SLC2A10: variants seen among roughly 807,000 people sequenced by gnomAD.
SLC2A10 encodes solute carrier family 2, facilitated glucose transporter member 10.
SLC2A10 carries 25 observed loss-of-function variants against 32.1 expected under a neutral mutation model. The observed-to-expected ratio is 0.78, with a 90% CI of 0.57 to 1.09. SLC2A10 has a LOEUF of 1.09. Ranked by LOEUF, SLC2A10 falls within the 50% of genes least tolerant of loss-of-function variation. The pLI is 0.00. For synonymous variants in SLC2A10, 332 were observed against 309.6 expected, an observed-to-expected ratio of 1.07 and a Z score of -0.76; for missense variants, 673 against 686.5, an observed-to-expected ratio of 0.98 and a Z score of 0.22.
At chr20:46,722,370 C>T (rs148910175) in intron 1 of SLC2A10, among the ~76,000 whole-genome samples, 1 of 152,324 alleles carries the variant, frequency 6.6e-6, no homozygotes, top group African/African-American at 2.4e-5. Context: ...TCTCAGGTAG[C>T]CACAAGACCG....
At chr20:46,718,398 A>G (rs1047379816) in intron 1 of SLC2A10, among the ~76,000 whole-genome samples, 1 of 152,138 alleles carries the variant, frequency 6.6e-6, no homozygotes, top group Non-Finnish European at 1.5e-5. Flanking sequence ...GCGATCAACT[A>G]TCCTCTTCTT....
At position 46,709,758 on chromosome 20, in the gene SLC2A10, G is replaced by T. The variant is rs1208488264; in HGVS notation, c.4+18G>T. ...CGCCATGGGTAAGTCCCGATCGGGC[G>T]CTGCCTGCTGGAAGCCCGACCCCTT... On this transcript the variant is annotated intron_variant, in intron 1 of 4. Transcript: ENST00000359271. The T allele has an allele frequency of 1.3e-6, 2 of 1,547,408 alleles. No individual in the cohort carries two copies. The highest frequency in any genetic ancestry group is 2.4e-5 in the South Asian group (2 of 83,828).
chr20:46,725,413 T>C lies in SLC2A10; in HGVS notation c.377T>C (p.Leu126Pro), dbSNP rs1284012838. Residue 126 changes from leucine to proline, a missense_variant, in exon 2 of 5, where the codon CTG becomes CCG. Leu to Pro is a moderately conservative substitution (Grantham distance 98). Coordinates refer to ENST00000359271, the MANE Select transcript of SLC2A10 (RefSeq NM_030777.4). The stretch of plus-strand genomic sequence containing the variant: ...GCTTGCTGTATCTACGTGTCAGAGC[T>C]GGTGGGGCCACGGCAGCGGGGAGTG... ...SMACCIYVSE[L>P]VGPRQRGVLV... 1 of 1,614,178 alleles carries C rather than the reference T, an allele frequency of 6.2e-7. No individual in the cohort carries two copies. Among genetic ancestry groups the C allele is most frequent in the Non-Finnish European group, 8.5e-7 (1 of 1,180,026 alleles).
chr20:46,709,225 C>T (rs1156990254), upstream of SLC2A10, among the ~76,000 whole-genome samples: 2 of 152,050 alleles, frequency 1.3e-5, no homozygotes, highest in Non-Finnish European at 2.9e-5. Context: ...TGAGCGGCTC[C>T]AGTGGGTATG....
Position 46,709,677 on chromosome 20 carries a change from G to C in SLC2A10, c.-60G>C. On this transcript the variant is annotated 5_prime_UTR_variant, in exon 1 of 5. Transcript: ENST00000359271. The stretch of plus-strand genomic sequence containing the variant: ...CGGCGGCAGCGGCGTTGGGGACTCC[G>C]GCGGGGGATGCGCGCCCGGCCCCTC... 2 of 1,532,856 alleles carry C rather than the reference G, an allele frequency of 1.3e-6. No homozygotes were observed. The highest frequency in any genetic ancestry group is 1.8e-6 in the Non-Finnish European group (2 of 1,140,482). 95.0% of individuals were successfully genotyped at this position (1,532,856 alleles called of 1,614,324 possible). A position where few individuals can be genotyped will look rare whatever the true frequency, so the allele number is the denominator to read the frequency against.
intron 4 of SLC2A10, among the ~76,000 whole-genome samples, chr20:46,730,347 T>C (rs1400392764): frequency 2.6e-5 from 4 of 152,044 alleles, no homozygotes; most frequent in Admixed American, 2.6e-4. Context: ...AGCGTTTTAG[T>C]TGGTGATGAG....
rs1376157225 is a variant in SLC2A10, at chr20:46,735,137, G to C, written c.*1303G>C. The C allele has an allele frequency of 6.5e-6, 1 of 152,678 alleles. No individual in the cohort carries two copies. Among genetic ancestry groups the C allele is most frequent in the Non-Finnish European group, 1.5e-5 (1 of 68,092 alleles). 9.5% of individuals were successfully genotyped at this position (152,678 alleles called of 1,614,324 possible). On this transcript the variant is annotated 3_prime_UTR_variant, in exon 5 of 5. Coordinates refer to ENST00000359271, the MANE Select transcript of SLC2A10 (RefSeq NM_030777.4). The stretch of plus-strand genomic sequence containing the variant: ...GCAAGTAGCTATGACTGCAGATCAT[G>C]TAAGGAAGGGACTGACAAGAAGCTC...
intron 1 of SLC2A10, among the ~76,000 whole-genome samples, chr20:46,722,796 G>A (rs762480504): frequency 3.9e-5 from 6 of 152,200 alleles, no homozygotes; most frequent in Non-Finnish European, 8.8e-5. Context: ...AATACCTGGA[G>A]CTGTGTTGTG....
chr20:46,709,801 GC>G, intron 1 of SLC2A10, 61 bp downstream of exon 1: 1 of 1,537,508 alleles, frequency 6.5e-7, no homozygotes, highest in Middle Eastern at 1.9e-4. Context: ...TGTAGACACC[GC>G]CCCCACGCTC....
At chr20:46,729,029 G>T (rs1487783350) in intron 3 of SLC2A10, among the ~76,000 whole-genome samples, 1 of 152,102 alleles carries the variant, frequency 6.6e-6, no homozygotes, top group Non-Finnish European at 1.5e-5. Context: ...GATCCCTCAG[G>T]CCAGGCTTTC....
Position 46,729,313 on chromosome 20 carries a change from G to C in SLC2A10, c.1412-40G>C, listed in dbSNP as rs1382829392. 2.5e-6 allele frequency: 4 copies of C among 1,612,332 alleles called. No homozygotes were observed. In the Admixed American group the frequency reaches 6.7e-5, roughly 27 times the overall value. Reference sequence around the variant, plus strand: ...TTGGCCCAGGCTGCGGGGCCAGAGTGCTTGGTCCTGGGCCTACACTCCCGC... The same window carrying C: ...TTGGCCCAGGCTGCGGGGCCAGAGTCCTTGGTCCTGGGCCTACACTCCCGC... On this transcript the variant is annotated intron_variant, in intron 3 of 4. Coordinates refer to ENST00000359271, the MANE Select transcript of SLC2A10 (RefSeq NM_030777.4).
chr20:46,721,796 T>C (rs1198336546), intron 1 of SLC2A10, among the ~76,000 whole-genome samples: 1 of 152,260 alleles, frequency 6.6e-6, no homozygotes, highest in Non-Finnish European at 1.5e-5. Flanking sequence ...TAGTTCTTTT[T>C]TCTTGTCTAT....
chr20:46,724,863 T>G (rs57421755), intron 1 of SLC2A10, among the ~76,000 whole-genome samples, 178 bp from the exon 2 acceptor site: 1 of 90,164 alleles, frequency 1.1e-5, no homozygotes, highest in Non-Finnish European at 2.1e-5. Flanking sequence ...ATTGATGGAG[T>G]GGATGGATGG....
intron 1 of SLC2A10, among the ~76,000 whole-genome samples, chr20:46,716,144 G>A (rs896980625): frequency 7.3e-5 from 11 of 151,594 alleles, no homozygotes; most frequent in South Asian, 4.2e-4. Flanking sequence ...CATAACGTTG[G>A]GGTGAGAACT....
At chr20:46,732,557 G>C (rs1251570447) in intron 4 of SLC2A10, among the ~76,000 whole-genome samples, 1 of 152,200 alleles carries the variant, frequency 6.6e-6, no homozygotes, top group Non-Finnish European at 1.5e-5. Context: ...AACCTACCAG[G>C]GGGTGAACAG....
intron 1 of SLC2A10, among the ~76,000 whole-genome samples, chr20:46,710,612 C>T (rs1445527267): frequency 6.6e-6 from 1 of 152,186 alleles, no homozygotes; most frequent in Non-Finnish European, 1.5e-5. Flanking sequence ...TGAGAACTTC[C>T]TCAGAAGCGG....
chr20:46,724,964 A>C, intron 1 of SLC2A10, 77 bp from the exon 2 acceptor site: 1 of 1,599,678 alleles, frequency 6.3e-7, no homozygotes, highest in Non-Finnish European at 8.5e-7. Flanking sequence ...GTGTTGACAG[A>C]TGGAGGGAAG....
intron 1 of SLC2A10, among the ~76,000 whole-genome samples, chr20:46,717,626 C>A (rs368723029): frequency 6.6e-6 from 1 of 152,294 alleles, no homozygotes; most frequent in Admixed American, 6.5e-5. Flanking sequence ...CACAGGTGAT[C>A]CACCTGCTTT....
chr20:46,722,311 C>A (rs1445790249), intron 1 of SLC2A10, among the ~76,000 whole-genome samples: 1 of 152,164 alleles, frequency 6.6e-6, no homozygotes, highest in Non-Finnish European at 1.5e-5. Context: ...GCTGACAAAT[C>A]CAGTCTTGCA....
Sources: gnomAD v4.1 joint callset for allele counts (sites outside exome capture counted in the v4.1 genomes callset) on GRCh38, gnomAD v4.1.1 for gene constraint, MANE v1.5 for transcripts, NCBI Gene and HGNC (gene_info 2026-07-23, HGNC 2026-07-21) for gene names.